Variants in COL17A1 observed in about 807,000 individuals in gnomAD.
The protein encoded by COL17A1 is collagen type XVII alpha 1 chain.
A neutral mutation model predicts 218.4 loss-of-function variants in COL17A1; 181 were observed. The ratio of observed to expected loss-of-function variants is 0.83; its 90% CI spans 0.73 to 0.94. The LOEUF is 0.94. Among genes scored for constraint, COL17A1 ranks in the 40% least tolerant of loss-of-function variants. COL17A1 has a pLI of 0.00. For synonymous variants in COL17A1, 721 were observed against 731.0 expected (o/e 0.99, Z 0.22); for missense variants, 1,924 against 1,945.9 (o/e 0.99, Z 0.21).
intron 36 of COL17A1, 43 bp downstream of exon 36, chr10:104,042,377 C>A: frequency 6.2e-7 from 1 of 1,610,552 alleles, no homozygotes; most frequent in Non-Finnish European, 8.5e-7. Context: ...AAAGTCCTCC[C>A]GACTGGGCCC....
chr10:104,069,562 A>G (rs189307441), intron 9 of COL17A1, among the ~76,000 whole-genome samples: 12 of 152,300 alleles, frequency 7.9e-5, no homozygotes, highest in Non-Finnish European at 1.6e-4. Flanking sequence ...AACAGCCCCA[A>G]GCAAAGACTT....
In COL17A1 at chr10:104,057,643, C is replaced by T. The variant is rs912341209; in HGVS notation, c.1268-471G>A. 2.0e-5 allele frequency among the ~76,000 whole-genome samples: 3 copies of T among 151,336 alleles called. No homozygotes were observed. In the East Asian group the frequency reaches 5.8e-4, roughly 29 times the overall value. ...AGTGCTTTCTTTAATCCTTACAGTG[C>T]CTAGAATTATACTCAGCTCTTCAGG... On this transcript the variant is annotated intron_variant, in intron 16 of 55. Coordinates refer to ENST00000648076, the MANE Select transcript of COL17A1 (RefSeq NM_000494.4).
intron 3 of COL17A1, among the ~76,000 whole-genome samples, chr10:104,077,800 T>C (rs548488635): frequency 6.6e-6 from 1 of 152,370 alleles, no homozygotes; most frequent in Admixed American, 6.5e-5. Flanking sequence ...GGGTGGAATA[T>C]AGCAAGTTGC....
intron 51 of COL17A1, 94 bp from the exon 52 acceptor site, chr10:104,034,428 C>T: frequency 6.7e-7 from 1 of 1,482,190 alleles, no homozygotes; most frequent in Non-Finnish European, 9.0e-7. Flanking sequence ...GTCAATGCCC[C>T]TGAGAGACCA....
chr10:104,044,559 C>T (rs2086391009), intron 33 of COL17A1, among the ~76,000 whole-genome samples: 1 of 152,096 alleles, frequency 6.6e-6, no homozygotes, highest in Non-Finnish European at 1.5e-5. Flanking sequence ...CAGTCATTCA[C>T]ACAATGAAAG....
intron 22 of COL17A1, 30 bp from the exon 23 acceptor site, chr10:104,053,165 C>A: frequency 6.2e-7 from 1 of 1,608,706 alleles, no homozygotes; most frequent in South Asian, 1.1e-5. Context: ...GCCTCCAAGT[C>A]AGGATCCCGT....
chr10:104,059,739 A>T, intron 14 of COL17A1, 21 bp from the exon 15 acceptor site: 2 of 1,610,492 alleles, frequency 1.2e-6, no homozygotes, highest in Non-Finnish European at 1.7e-6. Flanking sequence ...AACCCATTAT[A>T]ACCTGGCATA....
chr10:104,032,921 T>C lies in COL17A1; in HGVS notation c.4342A>G (p.Thr1448Ala), dbSNP rs1844707736. The change falls in exon 54 of 56, where the codon ACT (threonine) becomes GCT (alanine). Residue 1448 changes from threonine to alanine, a missense_variant. Transcript: ENST00000648076. ...GPPGQKGEMG[T>A]PGPKGDRGPA... Reference sequence around the variant, plus strand: ...CACCACTTACCTTTGGGTCCTGGAGTGCCCATCTCTCCTTTTTGCCCAGGG... The same window carrying C: ...CACCACTTACCTTTGGGTCCTGGAGCGCCCATCTCTCCTTTTTGCCCAGGG... The C allele has an allele frequency of 8.7e-6, 14 of 1,614,070 alleles. No homozygotes were observed. Among genetic ancestry groups the C allele is most frequent in the Non-Finnish European group, 1.2e-5 (14 of 1,179,996 alleles).
At position 104,052,896 on chromosome 10, in the gene COL17A1, C is replaced by T; in HGVS notation, c.1939+135G>A. On this transcript the variant is annotated intron_variant, in intron 23 of 55. Transcript: ENST00000648076. ...CGTCTCTGCAGGGCCTAGCACAGAC[C>T]CTGACTCAGGGTGGGTGCTCAGTAA... is the stretch of plus-strand genomic sequence containing the variant. The T allele has an allele frequency of 6.2e-6, 7 of 1,124,526 alleles. No homozygotes were observed. In the South Asian group the frequency reaches 7.4e-5, roughly 12 times the overall value. 69.7% of individuals were successfully genotyped at this position (1,124,526 alleles called of 1,614,324 possible).
chr10:104,073,079 T>C, intron 7 of COL17A1, 131 bp downstream of exon 7: 1 of 875,316 alleles, frequency 1.1e-6, no homozygotes, highest in Non-Finnish European at 1.9e-6. Context: ...TCTAAGCTCC[T>C]CGAAAGCAGA....
At chr10:104,075,191 C>G (rs2086699462) in intron 5 of COL17A1, among the ~76,000 whole-genome samples, 1 of 152,136 alleles carries the variant, frequency 6.6e-6, no homozygotes. Context: ...CTTCCTCTAA[C>G]ACCTCTTTGC....
chr10:104,054,428 G>A (rs180884230), intron 20 of COL17A1, among the ~76,000 whole-genome samples: 34 of 152,250 alleles, frequency 2.2e-4, no homozygotes, highest in African/African-American at 7.2e-4. Context: ...CACTAACATG[G>A]TCAGGAGGGG....
chr10:104,034,189 G>A lies in COL17A1; in HGVS notation c.3912C>T (p.Gly1304=), dbSNP rs1191346633. The A allele has an allele frequency of 3.7e-6, 6 of 1,613,236 alleles. No individual in the cohort carries two copies. The African/African-American group carries it at 6.7e-5, about 18-fold the overall frequency. Reference sequence around the variant, plus strand: ...TGCTCATGGAAGAGCTGTAGGAGCTGCCCCGCCTGACAGATGAGCTGTGTG... The same window carrying A: ...TGCTCATGGAAGAGCTGTAGGAGCTACCCCGCCTGACAGATGAGCTGTGTG... ...SSSHSSSVRR[G]SSYSSSMSTG... Residue 1304 remains glycine, a synonymous_variant, in exon 52 of 56, where the codon GGC becomes GGT. Coordinates refer to ENST00000648076, the MANE Select transcript of COL17A1 (RefSeq NM_000494.4).
intron 24 of COL17A1, 47 bp from the exon 25 acceptor site, chr10:104,051,563 T>A: frequency 1.9e-6 from 3 of 1,611,818 alleles, no homozygotes; most frequent in Non-Finnish European, 2.5e-6. Flanking sequence ...CAGATACAGG[T>A]GGGGACATCT....
Position 104,073,230 on chromosome 10 carries a change from C to G in COL17A1, c.395G>C (p.Arg132Thr), listed in dbSNP as rs144940994. The change falls in exon 7 of 56, where the codon AGA (arginine) becomes ACA (threonine). Residue 132 changes from arginine (R) to threonine (T), a missense_variant. Arg to Thr is a moderately conservative substitution (Grantham distance 71). Transcript: ENST00000648076. The stretch of plus-strand genomic sequence containing the variant: ...CTCACCTCGTGTTTGACTCCGTCCT[C>G]TGGTTGAAGAAGATGCTGAGAAACA... ...PRKEFASSST[R>T]GRSQTRESEI... 5.5e-5 allele frequency: 89 copies of G among 1,613,926 alleles called. No individual in the cohort carries two copies. The East Asian group carries it at 1.9e-3, about 34-fold the overall frequency.
At chr10:104,041,644 C>T (rs1302893950) in intron 36 of COL17A1, 106 bp from the exon 37 acceptor site, 4 of 928,908 alleles carry the variant, frequency 4.3e-6, no homozygotes, top group African/African-American at 1.6e-5. Flanking sequence ...TCCAGGCTAC[C>T]CTCACAGCCC....
chr10:104,034,677 G>A lies in COL17A1; in HGVS notation c.3710C>T (p.Thr1237Ile). ...GPPGVSGALATYAAENSDSFR... is the reference protein window; with the variant it reads ...GPPGVSGALAIYAAENSDSFR... ...GCTGTCGCTGTTTTCAGCTGCATAG[G>A]TTGCCAGGGCTCCTGAGACACCCGG... The change falls in exon 51 of 56, where the codon ACC becomes ATC. Residue 1237 changes from threonine to isoleucine, a missense_variant. Physicochemically the swap from Thr to Ile is moderately conservative, Grantham distance 89. Transcript: ENST00000648076. 6 of 1,610,610 alleles carry A rather than the reference G, an allele frequency of 3.7e-6. No homozygotes were observed. The highest frequency in any genetic ancestry group is 2.2e-5 in the East Asian group (1 of 44,734).
chr10:104,074,827 G>A (rs1429124257), intron 5 of COL17A1, among the ~76,000 whole-genome samples: 1 of 152,180 alleles, frequency 6.6e-6, no homozygotes, highest in African/African-American at 2.4e-5. Context: ...GAGTGTCTGG[G>A]CCTTACTCCT....
In COL17A1 at chr10:104,045,763, A is replaced by T; in HGVS notation, c.2393T>A (p.Ile798Lys). The T allele has an allele frequency of 6.2e-7, 1 of 1,611,958 alleles. No homozygotes were observed. Among genetic ancestry groups the T allele is most frequent in the South Asian group, 1.1e-5 (1 of 91,044 alleles). ...GLPGTPGRPG[I>K]KGEPGAPGKI... Reference sequence around the variant, plus strand: ...TCATTTGGAAATTCACTTACCTTTTATTCCTGGTCGGCCAGGGGTACCGGG... The same window carrying T: ...TCATTTGGAAATTCACTTACCTTTTTTTCCTGGTCGGCCAGGGGTACCGGG... Residue 798 changes from isoleucine to lysine, a missense_variant, in exon 33 of 56, where the codon ATA becomes AAA. Ile to Lys is a moderately radical substitution (Grantham distance 102, BLOSUM62 -3). Coordinates refer to ENST00000648076, the MANE Select transcript of COL17A1 (RefSeq NM_000494.4).
Sources: allele counts gnomAD v4.1 joint callset (sites outside exome capture counted in the v4.1 genomes callset), GRCh38; gene constraint gnomAD v4.1.1; transcripts MANE v1.5; gene names NCBI Gene and HGNC (gene_info 2026-07-23, HGNC 2026-07-21).